TMCO4: variants seen among roughly 807,000 people sequenced by gnomAD.
TMCO4 encodes transmembrane and coiled-coil domains 4, also known as transmembrane and coiled-coil domain-containing protein 4.
Under a neutral mutation model 64.7 loss-of-function variants are expected in TMCO4, and 58 were observed. That is an observed-to-expected ratio of 0.90 (90% confidence interval 0.73 to 1.12). The LOEUF is 1.12. Among genes scored for constraint, TMCO4 ranks in the 50% most tolerant of loss-of-function variants. The pLI is 0.00. For missense variants in TMCO4, 780 were observed against 825.9 expected (o/e 0.94, Z 0.68); for synonymous variants, 325 against 346.1 (o/e 0.94, Z 0.68).
chr1:19,683,585 C>T, intron 15 of TMCO4, 141 bp from the exon 16 acceptor site: 1 of 866,700 alleles, frequency 1.2e-6, no homozygotes, highest in Non-Finnish European at 1.7e-6. Context: ...CTCCATCCCT[C>T]AGTGGCTCTC....
At position 19,757,162 on chromosome 1, in the gene TMCO4, G is replaced by A. The variant is rs544168524; in HGVS notation, c.383-1396C>T. ...AAAAATTAGCCAGGCGTGGTGGCGGGGGGGGGCGCCTGTAATTTCCAGCAA... is the reference window on the plus strand; with the variant it reads ...AAAAATTAGCCAGGCGTGGTGGCGGAGGGGGGCGCCTGTAATTTCCAGCAA... On this transcript the variant is annotated intron_variant, in intron 6 of 15. Coordinates refer to ENST00000294543, the MANE Select transcript of TMCO4 (RefSeq NM_181719.7). Among the ~76,000 whole-genome samples, 33 of 139,882 alleles carry A rather than the reference G, an allele frequency of 2.4e-4. 4 individuals are homozygous for A. Among genetic ancestry groups the A allele is most frequent in the East Asian group, 9.9e-4 (5 of 5,064 alleles). The allele number at this position is 139,882 out of a possible 152,430, so 91.8% of individuals were successfully genotyped here.
intron 10 of TMCO4, 92 bp downstream of exon 10, chr1:19,745,440 C>G (rs541959194): frequency 6.3e-7 from 1 of 1,583,590 alleles, no homozygotes; most frequent in Non-Finnish European, 8.6e-7. Flanking sequence ...CTCCCTATAC[C>G]TGCTCCCTAG....
At chr1:19,753,658 T>C (rs2042118737) in intron 7 of TMCO4, among the ~76,000 whole-genome samples, 1 of 152,116 alleles carries the variant, frequency 6.6e-6, no homozygotes, top group African/African-American at 2.4e-5. Context: ...AAAGAAAATG[T>C]GTGCTGGTGT....
At chr1:19,766,672 AC>A (rs2042748641) in intron 6 of TMCO4, among the ~76,000 whole-genome samples, 1 of 152,188 alleles carries the variant, frequency 6.6e-6, no homozygotes, top group African/African-American at 2.4e-5. Flanking sequence ...GGTAGAGACT[AC>A]TGTTACTCCC....
chr1:19,754,221 C>A (rs752524396), intron 7 of TMCO4, among the ~76,000 whole-genome samples: 1 of 152,140 alleles, frequency 6.6e-6, no homozygotes, highest in Admixed American at 6.5e-5. Flanking sequence ...CCGGGTAATA[C>A]GTTTCTCTCT....
At chr1:19,699,351 T>C (rs963229621) in intron 14 of TMCO4, among the ~76,000 whole-genome samples, 1 of 151,986 alleles carries the variant, frequency 6.6e-6, no homozygotes, top group Non-Finnish European at 1.5e-5. Flanking sequence ...ATTATTCCTA[T>C]TTTATAGGTG....
Position 19,745,521 on chromosome 1 carries a change from C to T in TMCO4, c.877+11G>A, listed in dbSNP as rs1321726759. On this transcript the variant is annotated intron_variant, in intron 10 of 15. Transcript: ENST00000294543. Reference sequence around the variant, plus strand: ...CCACCCCCCTCCACTTCTGGTCCTCCTGGTCCTCACGGTATTTGCCAGAAG... The same window carrying T: ...CCACCCCCCTCCACTTCTGGTCCTCTTGGTCCTCACGGTATTTGCCAGAAG... 13 of 1,614,038 alleles carry T rather than the reference C, an allele frequency of 8.1e-6. No homozygotes were observed. The African/African-American group carries it at 1.6e-4, about 20-fold the overall frequency.
intron 3 of TMCO4, 120 bp from the exon 4 acceptor site, chr1:19,780,886 C>T: frequency 1.2e-6 from 1 of 830,948 alleles, no homozygotes; most frequent in South Asian, 1.9e-5. Context: ...AAATGAAGAA[C>T]TTCTTTTCAT....
intron 13 of TMCO4, among the ~76,000 whole-genome samples, chr1:19,726,969 G>A (rs1417800278): frequency 1.1e-4 from 17 of 152,224 alleles, no homozygotes; most frequent in Non-Finnish European, 1.3e-4. Context: ...AACATGTGGC[G>A]GGACTGCTCT....
intron 6 of TMCO4, among the ~76,000 whole-genome samples, chr1:19,761,396 T>C (rs1290458854): frequency 6.6e-6 from 1 of 152,188 alleles, no homozygotes; most frequent in Non-Finnish European, 1.5e-5. Flanking sequence ...TTGCTCCTGA[T>C]AGATGTGCAG....
At chr1:19,792,687 C>T (rs559467971) in intron 2 of TMCO4, among the ~76,000 whole-genome samples, 2 of 149,742 alleles carry the variant, frequency 1.3e-5, no homozygotes, top group Admixed American at 6.7e-5. Context: ...CAAGAATGAA[C>T]TTTTGTTTTT....
chr1:19,763,512 T>A (rs1267290481), intron 6 of TMCO4, among the ~76,000 whole-genome samples: 3 of 152,148 alleles, frequency 2.0e-5, no homozygotes, highest in Non-Finnish European at 2.9e-5. Context: ...TTGTCATGTT[T>A]CCTCCTTCCT....
At chr1:19,717,551 C>T (rs1047440641) in intron 13 of TMCO4, among the ~76,000 whole-genome samples, 1 of 152,236 alleles carries the variant, frequency 6.6e-6, no homozygotes, top group African/African-American at 2.4e-5. Context: ...TTCATCTCTC[C>T]AGCCTTGTTT....
chr1:19,772,220 C>T (rs1010033462), intron 4 of TMCO4, among the ~76,000 whole-genome samples: 1 of 152,142 alleles, frequency 6.6e-6, no homozygotes, highest in African/African-American at 2.4e-5. Context: ...CAGAGGGAGC[C>T]CCGGATCCAC....
chr1:19,749,658 G>C (rs949946126), intron 7 of TMCO4, among the ~76,000 whole-genome samples: 2 of 152,114 alleles, frequency 1.3e-5, no homozygotes, highest in Non-Finnish European at 2.9e-5. Flanking sequence ...GTGAGCCACC[G>C]TGCCGGGACA....
At chr1:19,792,004 T>C (rs1363580016) in intron 2 of TMCO4, among the ~76,000 whole-genome samples, 4 of 152,250 alleles carry the variant, frequency 2.6e-5, no homozygotes, top group Non-Finnish European at 4.4e-5. Context: ...GGAGATCTGA[T>C]GACTTTTCGC....
intron 13 of TMCO4, among the ~76,000 whole-genome samples, chr1:19,713,669 A>C (rs1383312172): frequency 6.6e-6 from 1 of 152,096 alleles, no homozygotes. Flanking sequence ...ACTGCACTCC[A>C]GCCTGGATGA....
rs2095114356 is a variant in TMCO4 at position 19,683,043 on chromosome 1, G to A, written c.1902C>T (p.Asp634=). The part of the protein sequence containing the change: ...CKTQGPSTGL[D] ...CGGCTCAGGTCCCCTGCTGTGGTCA[G>A]TCCAGCCCCGTGCTGGGGCCCTGGG... Residue 634 remains aspartate (D), a synonymous_variant, in exon 16 of 16, where the codon GAC becomes GAT. Transcript: ENST00000294543. 3 of 1,581,960 alleles carry A rather than the reference G, an allele frequency of 1.9e-6. No homozygotes were observed. Among genetic ancestry groups the A allele is most frequent in the African/African-American group, 1.3e-5 (1 of 74,162 alleles).
At chr1:19,691,082 A>C (rs2095190358) in intron 15 of TMCO4, among the ~76,000 whole-genome samples, 1 of 151,896 alleles carries the variant, frequency 6.6e-6, no homozygotes. Context: ...GTTAGCCAGG[A>C]TGGTCTCGAT....
Sources: gnomAD v4.1 joint callset for allele counts (sites outside exome capture counted in the v4.1 genomes callset) on GRCh38, gnomAD v4.1.1 for gene constraint, MANE v1.5 for transcripts, NCBI Gene and HGNC (gene_info 2026-07-23, HGNC 2026-07-21) for gene names.